ANKRD30BL: variants seen among roughly 807,000 people sequenced by gnomAD.
The protein encoded by ANKRD30BL is ankyrin repeat domain 30B like.
Under a neutral mutation model 18.4 loss-of-function variants are expected in ANKRD30BL, and 20 were observed. That is an observed-to-expected ratio of 1.09 (90% CI 0.77 to 1.58). The LOEUF is 1.58. Among genes scored for constraint, ANKRD30BL ranks in the 40% most tolerant of loss-of-function variants. ANKRD30BL has a pLI of 0.00. For missense variants in ANKRD30BL, 224 were observed against 268.6 expected (o/e 0.83, Z 1.16); for synonymous variants, 72 against 100.9 (o/e 0.71, Z 1.72).
intron 5 of ANKRD30BL, among the ~76,000 whole-genome samples, chr2:132,149,756 G>A (rs910608732): frequency 6.6e-6 from 1 of 152,096 alleles, no homozygotes; most frequent in African/African-American, 2.4e-5. Flanking sequence ...AAGATACTAA[G>A]ACAAATCTCA....
chr2:132,200,161 T>A (rs1679065791), intron 1 of ANKRD30BL, among the ~76,000 whole-genome samples: 1 of 151,770 alleles, frequency 6.6e-6, no homozygotes, highest in Non-Finnish European at 1.5e-5. Flanking sequence ...ATAAGAGCTA[T>A]CTATGACAAA....
chr2:132,236,504 G>T (rs1431607661), intron 1 of ANKRD30BL, among the ~76,000 whole-genome samples: 2 of 152,056 alleles, frequency 1.3e-5, no homozygotes, highest in Non-Finnish European at 2.9e-5. Context: ...CATTTATGCA[G>T]CCAAAAAACA....
At chr2:132,254,160 G>A (rs763137331) in intron 1 of ANKRD30BL, among the ~76,000 whole-genome samples, 5 of 151,874 alleles carry the variant, frequency 3.3e-5, no homozygotes, top group Admixed American at 6.6e-5. Flanking sequence ...ACGCACACAC[G>A]GTTTCATCCC....
intron 1 of ANKRD30BL, among the ~76,000 whole-genome samples, chr2:132,230,772 G>A (rs1679987092): frequency 6.6e-6 from 1 of 152,148 alleles, no homozygotes; most frequent in Non-Finnish European, 1.5e-5. Context: ...TCTGCACGTG[G>A]ACATTTGGAG....
intron 1 of ANKRD30BL, among the ~76,000 whole-genome samples, chr2:132,220,200 A>G (rs1679633721): frequency 1.3e-5 from 2 of 152,038 alleles, no homozygotes; most frequent in Non-Finnish European, 2.9e-5. Context: ...GCATTCTCAG[A>G]AACTTCTTTG....
In ANKRD30BL at chr2:132,187,166, TTTTTTG is replaced by T. The variant is rs1252904531; in HGVS notation, n.442-30026_442-30021del. ...TAATCTAATCATGCATCGTAGGAAG[TTTTTTG>T]TTTTTTTTTTTGTTTGTTTTTTTTT... On this transcript the variant is annotated intron_variant and non_coding_transcript_variant, in intron 1 of 4. Transcript: ENST00000470729. Among the ~76,000 whole-genome samples the T allele has an allele frequency of 6.6e-3, 958 of 145,766 alleles. 11 individuals are homozygous for T. Among genetic ancestry groups the T allele is most frequent in the African/African-American group, 0.024 (871 of 36,968 alleles).
upstream of ANKRD30BL, among the ~76,000 whole-genome samples, chr2:132,164,109 G>A (rs1688142528): frequency 6.6e-6 from 1 of 151,920 alleles, no homozygotes; most frequent in African/African-American, 2.4e-5. Flanking sequence ...TCATCCGTTT[G>A]CTTAACTGTC....
chr2:132,182,345 G>C (rs887367234), intron 1 of ANKRD30BL, among the ~76,000 whole-genome samples: 2 of 151,782 alleles, frequency 1.3e-5, no homozygotes, highest in East Asian at 1.9e-4. Context: ...AGCCAGGTGT[G>C]GTGGTGGGTG....
Position 132,157,294 on chromosome 2 carries a change from C to G in ANKRD30BL, c.333+15G>C. 1.3e-6 allele frequency: 1 copy of G among 794,506 alleles called. No homozygotes were observed. The highest frequency in any genetic ancestry group is 2.2e-6 in the Non-Finnish European group (1 of 462,982). 49.2% of individuals were successfully genotyped at this position (794,506 alleles called of 1,614,324 possible). The stretch of plus-strand genomic sequence containing the variant: ...CCAAATCCATCTCCTGCTGAAAGAA[C>G]TGGCTACCATTTACCTTCATCAGAA... On this transcript the variant is annotated intron_variant, in intron 2 of 5. Transcript: ENST00000409867.
chr2:132,173,543 C>T (rs1477202216), intron 1 of ANKRD30BL, among the ~76,000 whole-genome samples: 4 of 151,922 alleles, frequency 2.6e-5, no homozygotes, highest in African/African-American at 4.8e-5. Context: ...GTGATCCACC[C>T]GCCTCAGCCT....
rs1688073840 is a variant in ANKRD30BL, at chr2:132,161,811, A to G, written c.-106T>C. The G allele has an allele frequency of 3.1e-6, 2 of 644,356 alleles. No homozygotes were observed. The highest frequency in any genetic ancestry group is 1.9e-5 in the South Asian group (1 of 51,866). The allele number at this position is 644,356 out of a possible 1,614,324, so 39.9% of individuals were successfully genotyped here. ...CTTCAGTCCCTGCATCCGCCCTGAC[A>G]AGACTAGAAATCTCAGTCGGGCCAA... is the stretch of plus-strand genomic sequence containing the variant. On this transcript the variant is annotated 5_prime_UTR_variant, in exon 1 of 6. Transcript: ENST00000409867.
intron 1 of ANKRD30BL, among the ~76,000 whole-genome samples, chr2:132,229,665 G>C (rs142511192): frequency 1.3e-5 from 2 of 152,050 alleles, no homozygotes; most frequent in Non-Finnish European, 2.9e-5. Flanking sequence ...ACTTCTTAGT[G>C]ATGTGTGCAT....
chr2:132,202,036 G>A (rs969867545), intron 1 of ANKRD30BL, among the ~76,000 whole-genome samples: 106 of 152,124 alleles, frequency 7.0e-4, no homozygotes, highest in African/African-American at 2.2e-3. Flanking sequence ...GTAAACTATC[G>A]CAAGAACAAA....
At chr2:132,257,952 C>A (rs111788478) in exon 1 of ANKRD30BL, 1 of 153,420 alleles carries the variant, frequency 6.5e-6, no homozygotes, top group Admixed American at 6.5e-5. Context: ...CGGCGGCCGG[C>A]CGGCGCACGC....
At chr2:132,197,852 CCT>C (rs1259203150) in intron 1 of ANKRD30BL, among the ~76,000 whole-genome samples, 1 of 151,722 alleles carries the variant, frequency 6.6e-6, no homozygotes, top group Admixed American at 6.6e-5. Flanking sequence ...ATCTAATTAC[CCT>C]GTTTTAGTTC....
chr2:132,251,667 C>T (rs943823101), intron 1 of ANKRD30BL, among the ~76,000 whole-genome samples: 1 of 152,178 alleles, frequency 6.6e-6, no homozygotes, highest in African/African-American at 2.4e-5. Context: ...AAAAAATGTG[C>T]TTTGTTCTTT....
intron 1 of ANKRD30BL, among the ~76,000 whole-genome samples, chr2:132,212,760 A>T (rs1410312457): frequency 6.6e-6 from 1 of 152,018 alleles, no homozygotes; most frequent in Non-Finnish European, 1.5e-5. Flanking sequence ...AGACTCTGCA[A>T]GTGGACATTT....
intron 1 of ANKRD30BL, among the ~76,000 whole-genome samples, chr2:132,180,394 CTA>C (rs1688440901): frequency 6.6e-6 from 1 of 152,190 alleles, no homozygotes; most frequent in Non-Finnish European, 1.5e-5. Flanking sequence ...GCTATCCCGT[CTA>C]TGTTTGTGTA....
upstream of ANKRD30BL, among the ~76,000 whole-genome samples, chr2:132,162,966 A>G (rs1186794939): frequency 1.3e-5 from 2 of 152,190 alleles, no homozygotes; most frequent in East Asian, 3.9e-4. Context: ...GAGGGCTTCA[A>G]GGTTCCTGAG....
Sources: allele counts gnomAD v4.1 joint callset (sites outside exome capture counted in the v4.1 genomes callset), GRCh38; gene constraint gnomAD v4.1.1; transcripts MANE v1.5; gene names NCBI Gene and HGNC (gene_info 2026-07-23, HGNC 2026-07-21).